LRP1B: variants seen among roughly 807,000 people sequenced by gnomAD.
LRP1B encodes the protein low-density lipoprotein receptor-related protein 1B.
Under a neutral mutation model 556.6 loss-of-function variants are expected in LRP1B, and 217 were observed. That is an observed-to-expected ratio of 0.39 (90% CI 0.35 to 0.44). The LOEUF (loss-of-function observed/expected upper bound fraction) is 0.44, where lower values mean the gene tolerates loss of function less well. LRP1B is among the 20% of genes least tolerant of loss of function. The probability of loss-of-function intolerance (pLI) is 1.00; values close to 1 mark genes in which losing one functional copy is unlikely to be tolerated. For missense variants in LRP1B, 5,053 were observed against 5,620.8 expected, an observed-to-expected ratio of 0.90 and a Z score of 3.23; for synonymous variants, 2,047 against 1,865.8, an observed-to-expected ratio of 1.10 and a Z score of -2.50.
chr2:141,348,846 C>T (rs1024591712), intron 3 of LRP1B, among the ~76,000 whole-genome samples: 1 of 151,998 alleles, frequency 6.6e-6, no homozygotes, highest in Non-Finnish European at 1.5e-5. Context: ...GGGGGCAGGT[C>T]TTTCCCATGC....
chr2:142,059,224 G>A (rs1205213840), intron 1 of LRP1B, among the ~76,000 whole-genome samples: 1 of 152,040 alleles, frequency 6.6e-6, no homozygotes, highest in African/African-American at 2.4e-5. Context: ...TAGATTGTGG[G>A]AATGGTTACA....
At chr2:140,454,324 A>T (rs1687005327) in intron 62 of LRP1B, among the ~76,000 whole-genome samples, 1 of 151,526 alleles carries the variant, frequency 6.6e-6, no homozygotes, top group Non-Finnish European at 1.5e-5. Context: ...AATTTTTAAT[A>T]TTTTTTAGTA....
At chr2:140,930,119 C>A (rs937247671) in intron 20 of LRP1B, among the ~76,000 whole-genome samples, 6 of 152,050 alleles carry the variant, frequency 3.9e-5, no homozygotes, top group South Asian at 2.1e-4. Flanking sequence ...CAGGGCTTGG[C>A]ACACAATCTA....
At chr2:141,308,061 T>C (rs915821991) in intron 3 of LRP1B, among the ~76,000 whole-genome samples, 1 of 152,116 alleles carries the variant, frequency 6.6e-6, no homozygotes, top group African/African-American at 2.4e-5. Flanking sequence ...GAAGAAGTGC[T>C]TATGTGCCAA....
intron 7 of LRP1B, among the ~76,000 whole-genome samples, chr2:141,105,483 C>T (rs1433175509): frequency 1.3e-5 from 2 of 152,104 alleles, no homozygotes; most frequent in African/African-American, 4.8e-5. Flanking sequence ...AATACTGCAG[C>T]TTTCAGACTT....
chr2:141,183,406 C>T (rs1306168053), intron 7 of LRP1B, among the ~76,000 whole-genome samples: 2 of 152,030 alleles, frequency 1.3e-5, no homozygotes, highest in Admixed American at 1.3e-4. Context: ...TTGATTCAAT[C>T]TTTAATTTCT....
chr2:140,610,796 A>G (rs980365701), intron 41 of LRP1B, among the ~76,000 whole-genome samples: 3 of 152,160 alleles, frequency 2.0e-5, no homozygotes, highest in African/African-American at 7.2e-5. Flanking sequence ...AGTGTTAGCC[A>G]GGATGGTCTC....
At chr2:141,923,506 GGAGA>G (rs753020599) in intron 1 of LRP1B, among the ~76,000 whole-genome samples, 6 of 135,542 alleles carry the variant, frequency 4.4e-5, no homozygotes, top group African/African-American at 1.4e-4. Context: ...GGAGGGAGGG[GGAGA>G]GAGAGAGAGA....
At chr2:141,371,981 T>A (rs2105593195) in intron 3 of LRP1B, among the ~76,000 whole-genome samples, 1 of 152,314 alleles carries the variant, frequency 6.6e-6, no homozygotes, top group South Asian at 2.1e-4. Flanking sequence ...TTTTCCCCAC[T>A]TAGTATGATG....
chr2:140,905,960 A>C (rs1261033879), intron 22 of LRP1B, among the ~76,000 whole-genome samples: 1 of 152,158 alleles, frequency 6.6e-6, no homozygotes, highest in Non-Finnish European at 1.5e-5. Context: ...TCCCTAAAAA[A>C]AAATCTCTTC....
intron 32 of LRP1B, among the ~76,000 whole-genome samples, chr2:140,796,249 T>C (rs1436201269): frequency 6.6e-6 from 1 of 152,074 alleles, no homozygotes. Context: ...ATAGCTGGTA[T>C]GGTTTAATTA....
Position 140,268,455 on chromosome 2 carries a change from G to A in LRP1B, c.13247+1787C>T, listed in dbSNP as rs943861781. ...TTATGAATAAAATAGTAGCATTTTG[G>A]TAATAAAATATCTGAATTTTAATAC... On this transcript the variant is annotated intron_variant, in intron 86 of 90. Transcript: ENST00000389484. Among the ~76,000 whole-genome samples the A allele has an allele frequency of 3.3e-5, 5 of 151,874 alleles. No individual in the cohort carries two copies. The South Asian group carries it at 8.3e-4, about 25-fold the overall frequency.
At chr2:140,294,654 A>C (rs1487589441) in intron 84 of LRP1B, among the ~76,000 whole-genome samples, 1 of 152,210 alleles carries the variant, frequency 6.6e-6, no homozygotes, top group Non-Finnish European at 1.5e-5. Flanking sequence ...GAGAGGCTGC[A>C]GACCTAGGAT....
At chr2:141,754,957 A>T (rs1694263468) in intron 2 of LRP1B, among the ~76,000 whole-genome samples, 1 of 152,074 alleles carries the variant, frequency 6.6e-6, no homozygotes, top group African/African-American at 2.4e-5. Context: ...GATTTGGATT[A>T]TTTTGATATA....
chr2:140,525,752 TAAG>T, intron 49 of LRP1B, 89 bp downstream of exon 49: 7 of 1,174,524 alleles, frequency 6.0e-6, no homozygotes, highest in Non-Finnish European at 8.4e-6. Flanking sequence ...TAATTGATAT[TAAG>T]AATAAAATTT....
chr2:140,990,359 A>G (rs1057048169), intron 16 of LRP1B, among the ~76,000 whole-genome samples: 1 of 152,104 alleles, frequency 6.6e-6, no homozygotes, highest in Non-Finnish European at 1.5e-5. Flanking sequence ...TAATTTAGTC[A>G]TATATATTAA....
intron 2 of LRP1B, among the ~76,000 whole-genome samples, chr2:141,490,842 G>A (rs963174357): frequency 6.6e-6 from 1 of 151,316 alleles, no homozygotes; most frequent in African/African-American, 2.4e-5. Context: ...CTGAATTGCT[G>A]GATTACCCTC....
chr2:141,271,983 A>G (rs1685109326), intron 3 of LRP1B, among the ~76,000 whole-genome samples: 1 of 152,058 alleles, frequency 6.6e-6, no homozygotes, highest in Non-Finnish European at 1.5e-5. Context: ...TGGAGTAAGA[A>G]CATGACATCA....
chr2:141,744,767 T>C (rs1371360487), intron 2 of LRP1B, among the ~76,000 whole-genome samples: 1 of 152,168 alleles, frequency 6.6e-6, no homozygotes, highest in Non-Finnish European at 1.5e-5. Flanking sequence ...TCATTGTTGT[T>C]TGGGCATTGA....
Sources: allele counts gnomAD v4.1 joint callset (sites outside exome capture counted in the v4.1 genomes callset), GRCh38; gene constraint gnomAD v4.1.1; transcripts MANE v1.5; gene names NCBI Gene and HGNC (gene_info 2026-07-23, HGNC 2026-07-21).